NFAT5: variants seen among roughly 807,000 people sequenced by gnomAD.
NFAT5 encodes nuclear factor of activated T-cells 5.
In NFAT5, 31 loss-of-function variants were observed where a neutral mutation model predicts 166.5. The observed-to-expected ratio is 0.19, with a 90% CI of 0.14 to 0.25. NFAT5 has a LOEUF of 0.25. NFAT5 is among the 10% of genes least tolerant of loss of function. The pLI, the probability that NFAT5 is intolerant of heterozygous loss-of-function variation, is 1.00. For synonymous variants in NFAT5, 612 were observed against 639.7 expected (o/e 0.96, Z 0.65); for missense variants, 1,449 against 1,821.8 (o/e 0.80, Z 3.72).
At chr16:69,635,557 C>G (rs563283981) in intron 3 of NFAT5, among the ~76,000 whole-genome samples, 1 of 151,992 alleles carries the variant, frequency 6.6e-6, no homozygotes, top group South Asian at 2.1e-4. Flanking sequence ...AAGACATACC[C>G]GAGACTAGAA....
chr16:69,618,669 T>C (rs372352907), intron 2 of NFAT5, among the ~76,000 whole-genome samples: 1 of 152,092 alleles, frequency 6.6e-6, no homozygotes, highest in Non-Finnish European at 1.5e-5. Flanking sequence ...AGTAAGGCAT[T>C]TCATTCCCAA....
At chr16:69,586,898 G>A (rs2032104107) in intron 2 of NFAT5, among the ~76,000 whole-genome samples, 1 of 152,222 alleles carries the variant, frequency 6.6e-6, no homozygotes, top group South Asian at 2.1e-4. Flanking sequence ...TATGGAAACT[G>A]TAAACCCTAC....
At chr16:69,616,578 C>A (rs2033954218) in intron 2 of NFAT5, among the ~76,000 whole-genome samples, 1 of 152,110 alleles carries the variant, frequency 6.6e-6, no homozygotes, top group Non-Finnish European at 1.5e-5. Flanking sequence ...ACCCCCTGTG[C>A]ATCAGCCTTC....
At chr16:69,572,401 A>G (rs1050157088) in intron 2 of NFAT5, among the ~76,000 whole-genome samples, 2 of 152,174 alleles carry the variant, frequency 1.3e-5, no homozygotes, top group African/African-American at 2.4e-5. Flanking sequence ...CTATTTTTCA[A>G]TTCTATTTTT....
intron 3 of NFAT5, among the ~76,000 whole-genome samples, chr16:69,639,965 C>T (rs1315043651): frequency 6.6e-6 from 1 of 152,048 alleles, no homozygotes; most frequent in African/African-American, 2.4e-5. Context: ...TAAAACATTG[C>T]TTATTTTAAC....
At position 69,573,856 on chromosome 16, in the gene NFAT5, T is replaced by TA. The variant is rs957068467; in HGVS notation, c.127+5314dup. Reference sequence around the variant, plus strand: ...TTCCCAGTGTGATTAGTATTATATATAAAAAACAGCCACTTTTTTTTTTTT... The same window carrying TA: ...TTCCCAGTGTGATTAGTATTATATATAAAAAAACAGCCACTTTTTTTTTTTT... On this transcript the variant is annotated intron_variant, in intron 2 of 14. Coordinates refer to ENST00000349945, the MANE Select transcript of NFAT5 (RefSeq NM_138713.4). Among the ~76,000 whole-genome samples the TA allele has an allele frequency of 1.2e-4, 18 of 147,138 alleles. No homozygotes were observed. The East Asian group carries it at 1.8e-3, about 15-fold the overall frequency.
chr16:69,661,674 A>T (rs2036152131), intron 7 of NFAT5, among the ~76,000 whole-genome samples: 1 of 152,010 alleles, frequency 6.6e-6, no homozygotes, highest in African/African-American at 2.4e-5. Flanking sequence ...CATAAATTAA[A>T]TGCAGTTGTT....
intron 3 of NFAT5, among the ~76,000 whole-genome samples, chr16:69,630,851 A>C (rs2034681246): frequency 6.6e-6 from 1 of 152,212 alleles, no homozygotes; most frequent in African/African-American, 2.4e-5. Context: ...TTAAAATAAC[A>C]GCTTTATTGA....
At chr16:69,629,247 A>G (rs1567554453) in intron 3 of NFAT5, among the ~76,000 whole-genome samples, 1 of 152,232 alleles carries the variant, frequency 6.6e-6, no homozygotes, top group South Asian at 2.1e-4. Context: ...AAATTAATTT[A>G]AATTTTAAAA....
chr16:69,611,501 G>A (rs1414326438), intron 2 of NFAT5, among the ~76,000 whole-genome samples: 1 of 152,196 alleles, frequency 6.6e-6, no homozygotes, highest in Non-Finnish European at 1.5e-5. Flanking sequence ...ATAACAAAAT[G>A]CCTTAGGCAA....
rs112534679 is a variant in NFAT5 at position 69,609,018 on chromosome 16, G to C, written c.128-17385G>C. On this transcript the variant is annotated intron_variant, in intron 2 of 14. Coordinates refer to ENST00000349945, the MANE Select transcript of NFAT5 (RefSeq NM_138713.4). ...CATCTGTAGTCGCAGCTACTCGGGA[G>C]GCTGAGGCAGGAGAATAGTGTGAAC... Among the ~76,000 whole-genome samples the C allele has an allele frequency of 6.1e-3, 926 of 151,618 alleles. 9 individuals are homozygous for C. The highest frequency in any genetic ancestry group is 0.021 in the African/African-American group (886 of 41,342).
chr16:69,649,506 T>G, intron 4 of NFAT5: 1 of 984,090 alleles, frequency 1.0e-6, no homozygotes, highest in Non-Finnish European at 1.2e-6. Context: ...GACAGACTCT[T>G]TCATGAAATA....
chr16:69,621,169 C>T (rs1259692005), intron 2 of NFAT5, among the ~76,000 whole-genome samples: 2 of 151,700 alleles, frequency 1.3e-5, no homozygotes, highest in Non-Finnish European at 2.9e-5. Flanking sequence ...TGGTTTTGTC[C>T]ATGAAGTTTA....
chr16:69,668,880 C>A (rs1443209828), intron 7 of NFAT5, among the ~76,000 whole-genome samples: 4 of 151,510 alleles, frequency 2.6e-5, no homozygotes, highest in Non-Finnish European at 5.9e-5. Context: ...GGGTTTCACC[C>A]GACTCTGAAT....
At chr16:69,696,288 A>T (rs969478434) in intron 14 of NFAT5, 72 bp from the exon 15 acceptor site, 6 of 152,268 alleles carry the variant, frequency 3.9e-5, no homozygotes, top group African/African-American at 7.2e-5. Context: ...CTTTAGGATC[A>T]TTCAGGGTGT....
At chr16:69,657,997 A>G (rs985395185) in intron 6 of NFAT5, among the ~76,000 whole-genome samples, 1 of 149,932 alleles carries the variant, frequency 6.7e-6, no homozygotes, top group African/African-American at 2.5e-5. Context: ...AGGCAGGAGA[A>G]TGGCGTGAAC....
chr16:69,578,243 T>C (rs2031426666), intron 2 of NFAT5, among the ~76,000 whole-genome samples: 1 of 152,168 alleles, frequency 6.6e-6, no homozygotes, highest in African/African-American at 2.4e-5. Flanking sequence ...CTCCAACAGA[T>C]ACCAAGGGAC....
chr16:69,691,689 A>G lies in NFAT5; in HGVS notation c.1924-60A>G, dbSNP rs541310095. The stretch of plus-strand genomic sequence containing the variant: ...TTAGAGCAATAGTGATTTTTGATGT[A>G]TGTTACAAACTTGTTTAATGTTTAT... On this transcript the variant is annotated intron_variant, in intron 12 of 14. Coordinates refer to ENST00000349945, the MANE Select transcript of NFAT5 (RefSeq NM_138713.4). 488 of 1,304,526 alleles carry G rather than the reference A, an allele frequency of 3.7e-4. 5 individuals are homozygous for G. The South Asian group carries it at 6.8e-3, about 18-fold the overall frequency. The allele number at this position is 1,304,526 out of a possible 1,614,324, so 80.8% of individuals were successfully genotyped here.
chr16:69,616,634 A>G (rs2033957476), intron 2 of NFAT5, among the ~76,000 whole-genome samples: 1 of 151,986 alleles, frequency 6.6e-6, no homozygotes, highest in Non-Finnish European at 1.5e-5. Flanking sequence ...GGGCACTAAC[A>G]TCCCAACCTG....
Sources: allele counts gnomAD v4.1 joint callset (sites outside exome capture counted in the v4.1 genomes callset), GRCh38; gene constraint gnomAD v4.1.1; transcripts MANE v1.5; gene names NCBI Gene and HGNC (gene_info 2026-07-23, HGNC 2026-07-21).